Variants in EFCAB6 observed in about 807,000 individuals in gnomAD.
EFCAB6 encodes EF-hand calcium binding domain 6, also known as EF-hand calcium-binding domain-containing protein 6.
Under a neutral mutation model 169.8 loss-of-function variants are expected in EFCAB6, and 156 were observed. That is an observed-to-expected ratio of 0.92 (90% CI 0.81 to 1.05). The LOEUF (loss-of-function observed/expected upper bound fraction) is 1.05. EFCAB6 is among the 50% of genes least tolerant of loss of function. EFCAB6 has a pLI of 0.00. For synonymous variants in EFCAB6, 698 were observed against 676.4 expected (o/e 1.03, Z -0.50); for missense variants, 1,800 against 1,829.1 (o/e 0.98, Z 0.29).
At chr22:43,736,142 T>C in intron 6 of EFCAB6, 149 bp from the exon 7 acceptor site, 2 of 751,804 alleles carry the variant, frequency 2.7e-6, no homozygotes, top group South Asian at 2.6e-5. Context: ...AAATGACATG[T>C]CTACGGAAAA....
chr22:43,722,887 A>C (rs1448026968), intron 8 of EFCAB6, among the ~76,000 whole-genome samples: 1 of 152,192 alleles, frequency 6.6e-6, no homozygotes, highest in African/African-American at 2.4e-5. Context: ...AAAAGAATAA[A>C]ATCAAGTCAT....
chr22:43,745,918 T>C (rs910507923), intron 6 of EFCAB6, among the ~76,000 whole-genome samples: 2 of 152,254 alleles, frequency 1.3e-5, no homozygotes, highest in Non-Finnish European at 2.9e-5. Context: ...TTGACTGTTA[T>C]GTTCTTAGTT....
intron 17 of EFCAB6, among the ~76,000 whole-genome samples, chr22:43,663,612 G>A (rs984095644): frequency 1.3e-5 from 2 of 152,168 alleles, no homozygotes; most frequent in African/African-American, 2.4e-5. Context: ...AGTGCAAACT[G>A]GACTAACTGT....
At chr22:43,645,744 C>T (rs62227023) in intron 17 of EFCAB6, among the ~76,000 whole-genome samples, 1 of 152,058 alleles carries the variant, frequency 6.6e-6, no homozygotes, top group Non-Finnish European at 1.5e-5. Flanking sequence ...AATTGGACTG[C>T]ATTTCTTAGA....
chr22:43,778,124 C>A (rs938360642), intron 3 of EFCAB6, among the ~76,000 whole-genome samples: 1 of 152,226 alleles, frequency 6.6e-6, no homozygotes, highest in Admixed American at 6.5e-5. Context: ...AATGATAACT[C>A]CTTCCAGCCC....
At chr22:43,751,248 A>G (rs1432241943) in intron 6 of EFCAB6, among the ~76,000 whole-genome samples, 1 of 152,188 alleles carries the variant, frequency 6.6e-6, no homozygotes, top group African/African-American at 2.4e-5. Flanking sequence ...CTGTATTCCT[A>G]TACAGGTCAG....
chr22:43,586,824 G>A (rs937402781), intron 24 of EFCAB6, among the ~76,000 whole-genome samples: 5 of 152,164 alleles, frequency 3.3e-5, no homozygotes, highest in Non-Finnish European at 7.3e-5. Flanking sequence ...AGAAACTTTG[G>A]GGGAGGGACC....
intron 17 of EFCAB6, among the ~76,000 whole-genome samples, chr22:43,637,674 C>A (rs370599284): frequency 2.0e-5 from 3 of 152,088 alleles, no homozygotes; most frequent in Non-Finnish European, 4.4e-5. Flanking sequence ...CTGTGGAATT[C>A]GGCAGGAAGC....
At chr22:43,664,774 T>G (rs965809378) in intron 17 of EFCAB6, among the ~76,000 whole-genome samples, 1 of 152,092 alleles carries the variant, frequency 6.6e-6, no homozygotes, top group African/African-American at 2.4e-5. Context: ...AGGGAGGTGG[T>G]TGGACCATGC....
intron 10 of EFCAB6, among the ~76,000 whole-genome samples, chr22:43,693,215 C>A (rs566759032): frequency 1.2e-4 from 18 of 151,690 alleles, no homozygotes; most frequent in African/African-American, 3.9e-4. Context: ...ATGTAAAGAC[C>A]CGGATAGGCT....
chr22:43,743,951 G>A (rs768477421), intron 6 of EFCAB6, among the ~76,000 whole-genome samples: 6 of 151,634 alleles, frequency 4.0e-5, no homozygotes, highest in Non-Finnish European at 8.8e-5. Context: ...GGGACAGATG[G>A]GTGAACGGAT....
chr22:43,809,334 T>C (rs957926819), intron 1 of EFCAB6, among the ~76,000 whole-genome samples: 55 of 152,366 alleles, frequency 3.6e-4, no homozygotes, highest in Middle Eastern at 3.4e-3. Flanking sequence ...TCCTTCTTTC[T>C]GATACCTTCC....
intron 17 of EFCAB6, among the ~76,000 whole-genome samples, chr22:43,650,798 C>A (rs2056430697): frequency 6.6e-6 from 1 of 152,142 alleles, no homozygotes; most frequent in Non-Finnish European, 1.5e-5. Context: ...GGAACTGGAG[C>A]AAAGGTGACT....
intron 7 of EFCAB6, 146 bp downstream of exon 7, chr22:43,735,711 A>C: frequency 1.0e-6 from 1 of 970,666 alleles, no homozygotes; most frequent in South Asian, 1.6e-5. Context: ...GAGAATGTCC[A>C]GTGAGTGCCT....
Position 43,690,751 on chromosome 22 carries a change from C to A in EFCAB6, c.1032-3170G>T, listed in dbSNP as rs545243721. On this transcript the variant is annotated intron_variant, in intron 10 of 31. Transcript: ENST00000262726. ...AAAGAGCTGTACTCTTCCCTGCCCT[C>A]GGTCCCTTCTGCTTGTTGCTTCCTT... is the stretch of plus-strand genomic sequence containing the variant. Among the ~76,000 whole-genome samples the A allele has an allele frequency of 8.6e-5, 13 of 151,694 alleles. No homozygotes were observed. The East Asian group carries it at 2.6e-3, about 30-fold the overall frequency.
intron 10 of EFCAB6, among the ~76,000 whole-genome samples, chr22:43,694,481 T>C (rs1431938286): frequency 6.6e-6 from 1 of 151,938 alleles, no homozygotes; most frequent in Non-Finnish European, 1.5e-5. Context: ...GATCCCAAAC[T>C]GAGACAAAGA....
At chr22:43,568,999 T>C (rs970700384) in intron 26 of EFCAB6, among the ~76,000 whole-genome samples, 1 of 152,170 alleles carries the variant, frequency 6.6e-6, no homozygotes, top group African/African-American at 2.4e-5. Context: ...CCCCCTCACA[T>C]TCCTGCAAGA....
At chr22:43,624,720 G>A (rs1234120381) in intron 20 of EFCAB6, among the ~76,000 whole-genome samples, 1 of 152,134 alleles carries the variant, frequency 6.6e-6, no homozygotes, top group Non-Finnish European at 1.5e-5. Flanking sequence ...ACTCGACCCT[G>A]AGCCCCTCAA....
At chr22:43,747,015 T>G (rs1325203097) in intron 6 of EFCAB6, among the ~76,000 whole-genome samples, 1 of 152,206 alleles carries the variant, frequency 6.6e-6, no homozygotes, top group African/African-American at 2.4e-5. Context: ...TGCAAGAGGA[T>G]GCTGCTTTGA....
Sources: gnomAD v4.1 joint callset for allele counts (sites outside exome capture counted in the v4.1 genomes callset) on GRCh38, gnomAD v4.1.1 for gene constraint, MANE v1.5 for transcripts, NCBI Gene and HGNC (gene_info 2026-07-23, HGNC 2026-07-21) for gene names.